Variants in TBC1D5 observed in about 807,000 individuals in gnomAD.
TBC1D5 encodes the protein TBC1 domain family, member 5.
In TBC1D5, 75 loss-of-function variants were observed where a neutral mutation model predicts 100.3. That is an observed-to-expected ratio of 0.75 (90% CI 0.62 to 0.91). TBC1D5 has a LOEUF of 0.91. TBC1D5 is among the 40% of genes least tolerant of loss of function. The probability of loss-of-function intolerance (pLI) is 0.00; values close to 1 mark genes in which losing one functional copy is unlikely to be tolerated. For synonymous variants in TBC1D5, 323 were observed against 325.6 expected, an observed-to-expected ratio of 0.99 and a Z score of 0.09; for missense variants, 910 against 942.4, an observed-to-expected ratio of 0.97 and a Z score of 0.45.
intron 3 of TBC1D5, among the ~76,000 whole-genome samples, chr3:17,463,349 G>T (rs1296120891): frequency 1.3e-5 from 2 of 152,100 alleles, no homozygotes. Flanking sequence ...GGTTCCATTG[G>T]ATTGGATACT....
At chr3:17,492,588 C>T (rs151275946) in intron 3 of TBC1D5, among the ~76,000 whole-genome samples, 6 of 152,192 alleles carry the variant, frequency 3.9e-5, no homozygotes, top group Admixed American at 2.6e-4. Context: ...GAATGTGCCA[C>T]CAGGTCTGGT....
chr3:17,673,486 T>A (rs2068225657), intron 1 of TBC1D5, among the ~76,000 whole-genome samples: 1 of 102,282 alleles, frequency 9.8e-6, no homozygotes, highest in Non-Finnish European at 2.2e-5. Context: ...AATGTTTGTA[T>A]TTTTTTTTTT....
chr3:17,400,331 A>G (rs1178104740), intron 8 of TBC1D5, among the ~76,000 whole-genome samples: 1 of 152,184 alleles, frequency 6.6e-6, no homozygotes, highest in East Asian at 1.9e-4. Flanking sequence ...AATGAAAATC[A>G]TATATTTTAG....
intron 3 of TBC1D5, among the ~76,000 whole-genome samples, chr3:17,447,850 T>C (rs553651472): frequency 1.3e-5 from 2 of 152,340 alleles, no homozygotes; most frequent in South Asian, 4.1e-4. Context: ...TTGTGTACAT[T>C]TGTATTTCTT....
At chr3:17,277,676 G>A (rs1388232746) in intron 15 of TBC1D5, among the ~76,000 whole-genome samples, 5 of 152,196 alleles carry the variant, frequency 3.3e-5, no homozygotes, top group Admixed American at 2.0e-4. Context: ...CTTGTTAATA[G>A]GAATGTGGTC....
At chr3:17,233,740 AACT>A in intron 17 of TBC1D5, 1 of 1,543,450 alleles carries the variant, frequency 6.5e-7, no homozygotes, top group Non-Finnish European at 8.8e-7. Context: ...CGCTTCCTGT[AACT>A]ACATCGCCTG....
chr3:17,391,972 T>C (rs191035440), intron 8 of TBC1D5, among the ~76,000 whole-genome samples: 48 of 152,254 alleles, frequency 3.2e-4, no homozygotes, highest in Middle Eastern at 3.4e-3. Context: ...ATAAAGGTGC[T>C]AGAACTTTCT....
intron 16 of TBC1D5, among the ~76,000 whole-genome samples, chr3:17,250,273 T>C (rs1445099722): frequency 6.6e-6 from 1 of 152,244 alleles, no homozygotes; most frequent in Non-Finnish European, 1.5e-5. Context: ...ACCATATCAT[T>C]GCTAATCTTG....
At chr3:17,689,021 TCCATAATTA>T (rs2070720925) in intron 1 of TBC1D5, among the ~76,000 whole-genome samples, 1 of 152,190 alleles carries the variant, frequency 6.6e-6, no homozygotes, top group East Asian at 1.9e-4. Flanking sequence ...TGGCTGAAAC[TCCATAATTA>T]CCATTAATAG....
intron 1 of TBC1D5, among the ~76,000 whole-genome samples, chr3:17,712,420 C>A (rs1438873243): frequency 6.6e-6 from 1 of 152,156 alleles, no homozygotes; most frequent in Non-Finnish European, 1.5e-5. Flanking sequence ...CATTTTGTTT[C>A]CCACATGCCA....
At chr3:17,303,319 T>C (rs1258772183) in intron 14 of TBC1D5, among the ~76,000 whole-genome samples, 1 of 152,240 alleles carries the variant, frequency 6.6e-6, no homozygotes, top group Non-Finnish European at 1.5e-5. Flanking sequence ...GCATCAATCA[T>C]GTCCCTGCAT....
At chr3:17,323,777 G>C (rs986408062) in intron 13 of TBC1D5, among the ~76,000 whole-genome samples, 1 of 152,170 alleles carries the variant, frequency 6.6e-6, no homozygotes, top group South Asian at 2.1e-4. Context: ...TAGATTCAAT[G>C]CAATCTTAAT....
chr3:17,667,691 A>G (rs927180804), intron 1 of TBC1D5, among the ~76,000 whole-genome samples: 6 of 152,086 alleles, frequency 3.9e-5, no homozygotes, highest in African/African-American at 1.4e-4. Context: ...GGCTCAAGCT[A>G]TCTACCCGCC....
chr3:17,159,434 C>T (rs1402548756), exon 22 of TBC1D5: 1 of 152,224 alleles, frequency 6.6e-6, no homozygotes, highest in Middle Eastern at 3.2e-3. Flanking sequence ...ACCATGAAGG[C>T]CTCCACTGCC....
At chr3:17,326,628 C>A (rs1194202938) in intron 13 of TBC1D5, among the ~76,000 whole-genome samples, 1 of 152,058 alleles carries the variant, frequency 6.6e-6, no homozygotes, top group Admixed American at 6.6e-5. Flanking sequence ...ATTCACCACG[C>A]CCTGCTAATT....
Position 17,374,617 on chromosome 3 carries a change from T to C in TBC1D5, c.752+12A>G, listed in dbSNP as rs1038896022. 6.2e-7 allele frequency: 1 copy of C among 1,611,012 alleles called. No individual in the cohort carries two copies. The highest frequency in any genetic ancestry group is 8.5e-7 in the Non-Finnish European group (1 of 1,179,062). ...TATAAAAAAATAAAACAAAGAAAGT[T>C]TTTGTACTTACTAGGCATCATGTTC... is the stretch of plus-strand genomic sequence containing the variant. On this transcript the variant is annotated intron_variant, in intron 11 of 21. Transcript: ENST00000253692.
At chr3:17,481,111 C>A (rs574936536) in intron 3 of TBC1D5, among the ~76,000 whole-genome samples, 19 of 152,328 alleles carry the variant, frequency 1.2e-4, no homozygotes, top group African/African-American at 4.1e-4. Context: ...CTTCCGGGTG[C>A]CATCATGTTC....
chr3:17,409,559 G>A (rs774715112), intron 4 of TBC1D5, among the ~76,000 whole-genome samples: 7 of 151,972 alleles, frequency 4.6e-5, no homozygotes, highest in Admixed American at 6.6e-5. Context: ...GGTCTCTTGC[G>A]CTAAACAGGT....
At position 17,330,315 on chromosome 3, in the gene TBC1D5, A is replaced by G. The variant is rs373815073; in HGVS notation, c.996-22181T>C. Among the ~76,000 whole-genome samples the G allele has an allele frequency of 1.5e-3, 234 of 152,242 alleles. 6 individuals are homozygous for G. The South Asian group carries it at 0.046, about 30-fold the overall frequency. ...GAGGCTAACTGTCCTTGGCACCCAC[A>G]TGAAGTTAACTCAGGTGCTCAGGGT... On this transcript the variant is annotated intron_variant, in intron 13 of 21. Transcript: ENST00000253692.
Sources: gnomAD v4.1 joint callset for allele counts (sites outside exome capture counted in the v4.1 genomes callset) on GRCh38, gnomAD v4.1.1 for gene constraint, MANE v1.5 for transcripts, NCBI Gene and HGNC (gene_info 2026-07-23, HGNC 2026-07-21) for gene names.